The following TGFBI variants were observed in gnomAD, a reference collection of about 807,000 sequenced individuals.
TGFBI encodes the protein transforming growth factor beta induced.
Under a neutral mutation model 73.7 loss-of-function variants are expected in TGFBI, and 50 were observed. The ratio of observed to expected loss-of-function variants is 0.68; its 90% confidence interval spans 0.54 to 0.86. The LOEUF (loss-of-function observed/expected upper bound fraction) is 0.86. TGFBI is among the 40% of genes least tolerant of loss of function. TGFBI has a pLI of 0.00. For synonymous variants in TGFBI, 362 were observed against 360.5 expected, an observed-to-expected ratio of 1.00 and a Z score of -0.05; for missense variants, 839 against 877.0, an observed-to-expected ratio of 0.96 and a Z score of 0.55.
chr5:136,061,514 G>C lies in TGFBI; in HGVS notation c.1921G>C (p.Glu641Gln), dbSNP rs748068717. Residue 641 changes from glutamate (E) to glutamine (Q), a missense_variant, in exon 15 of 17, where the codon GAA becomes CAA. By Grantham distance (29) the Glu-to-Gln change is conservative (BLOSUM62 2). Coordinates refer to ENST00000442011, the MANE Select transcript of TGFBI (RefSeq NM_000358.3). ...VLQPPANRPQ[E>Q]RGDELADSAL... ...TTCCTCTTCAGCCAACAGACCTCAG[G>C]AAAGAGGGGATGAACTTGCAGACTC... 6.2e-7 allele frequency: 1 copy of C among 1,608,126 alleles called. No individual in the cohort carries two copies.
intron 6 of TGFBI, 134 bp downstream of exon 6, chr5:136,047,554 C>T: frequency 7.7e-6 from 8 of 1,034,930 alleles, no homozygotes; most frequent in Non-Finnish European, 1.1e-5. Context: ...CCCCTGAATG[C>T]CCTTGAACAT....
intron 2 of TGFBI, among the ~76,000 whole-genome samples, chr5:136,034,465 G>T (rs1333722938): frequency 1.3e-5 from 2 of 151,912 alleles, no homozygotes; most frequent in Non-Finnish European, 2.9e-5. Flanking sequence ...TACAAGGATT[G>T]AATGAAATAA....
At chr5:136,061,030 A>T in intron 14 of TGFBI, 94 bp downstream of exon 14, 1 of 860,972 alleles carries the variant, frequency 1.2e-6, no homozygotes, top group South Asian at 2.2e-5. Context: ...CAATGATGAG[A>T]ATAACATGTA....
At chr5:136,029,713 G>A (rs1250482191) in intron 1 of TGFBI, among the ~76,000 whole-genome samples, 2 of 152,172 alleles carry the variant, frequency 1.3e-5, no homozygotes, top group Admixed American at 1.3e-4. Context: ...GCTGGCACCC[G>A]ACACTGCTCT....
intron 2 of TGFBI, among the ~76,000 whole-genome samples, chr5:136,035,354 T>G (rs1172537050): frequency 6.6e-6 from 1 of 152,214 alleles, no homozygotes. Flanking sequence ...CCGGGCACAG[T>G]GGCTCACGCC....
At chr5:136,058,614 C>G (rs1751692971) in intron 12 of TGFBI, among the ~76,000 whole-genome samples, 1 of 152,210 alleles carries the variant, frequency 6.6e-6, no homozygotes. Flanking sequence ...ATAGCCATCT[C>G]AAACAGAATG....
At chr5:136,056,922 G>A (rs576878797) in intron 12 of TGFBI, 127 bp downstream of exon 12, 1 of 1,255,744 alleles carries the variant, frequency 8.0e-7, no homozygotes, top group African/African-American at 1.5e-5. Context: ...ATTAGTGAAA[G>A]AGTGGGCGGG....
chr5:136,062,172 C>T (rs923748425), intron 15 of TGFBI, among the ~76,000 whole-genome samples: 8 of 152,162 alleles, frequency 5.3e-5, no homozygotes, highest in Non-Finnish European at 1.2e-4. Context: ...GGCTCTTTTG[C>T]TACTTCGGGT....
chr5:136,031,078 C>T (rs1751111751), intron 1 of TGFBI, among the ~76,000 whole-genome samples: 1 of 152,226 alleles, frequency 6.6e-6, no homozygotes, highest in Non-Finnish European at 1.5e-5. Flanking sequence ...AATTAGCTTC[C>T]TGCAGCACAG....
chr5:136,055,987 T>C (rs1188117524), intron 11 of TGFBI, among the ~76,000 whole-genome samples, 171 bp downstream of exon 11: 1 of 152,200 alleles, frequency 6.6e-6, no homozygotes, highest in Non-Finnish European at 1.5e-5. Context: ...AGGGTCGCCT[T>C]GAAAGCTTAC....
chr5:136,056,310 C>A (rs1043407906), intron 11 of TGFBI: 5 of 249,182 alleles, frequency 2.0e-5, no homozygotes, highest in African/African-American at 6.7e-5. Flanking sequence ...GCCACCTGCA[C>A]AAGGGCTTGG....
rs1371654590 is a variant in TGFBI at position 136,029,031 on chromosome 5, C to A, written c.-25C>A. 6.6e-7 allele frequency: 1 copy of A among 1,517,280 alleles called. No homozygotes were observed. Among genetic ancestry groups the A allele is most frequent in the East Asian group, 2.6e-5 (1 of 38,432 alleles). 94.0% of individuals were successfully genotyped at this position (1,517,280 alleles called of 1,614,324 possible). ...CCCGCTTGCCCGTCGGTCGCTAGCTCGCTCGGTGCGCGTCGTCCCGCTCCA... is the reference window on the plus strand; with the variant it reads ...CCCGCTTGCCCGTCGGTCGCTAGCTAGCTCGGTGCGCGTCGTCCCGCTCCA... On this transcript the variant is annotated 5_prime_UTR_variant, in exon 1 of 17. Transcript: ENST00000442011.
Position 136,046,465 on chromosome 5 carries a change from T to C in TGFBI, c.429T>C (p.Pro143=). Residue 143 remains proline (P), a synonymous_variant, in exon 4 of 17, where the codon CCT becomes CCC. Transcript: ENST00000442011. ...EGPGSFTIFA[P]SNEAWASLPA... ...CCGGCAGCTTCACCATCTTCGCCCC[T>C]AGCAACGAGGCCTGGGCCTCCTTGC... 3 of 1,611,580 alleles carry C rather than the reference T, an allele frequency of 1.9e-6. No homozygotes were observed. Among genetic ancestry groups the C allele is most frequent in the East Asian group, 4.5e-5 (2 of 44,762 alleles).
chr5:136,031,255 C>G (rs1236216496), intron 1 of TGFBI, among the ~76,000 whole-genome samples: 3 of 152,246 alleles, frequency 2.0e-5, no homozygotes, highest in Non-Finnish European at 4.4e-5. Flanking sequence ...TGCCACAGGG[C>G]TGCCTGGCCT....
intron 12 of TGFBI, among the ~76,000 whole-genome samples, chr5:136,057,593 T>A (rs1751671165): frequency 6.6e-6 from 1 of 150,506 alleles, no homozygotes; most frequent in African/African-American, 2.5e-5. Flanking sequence ...GGAATGGGAG[T>A]TGCAGTGTTT....
At chr5:136,051,739 A>G (rs1022595388) in intron 7 of TGFBI, among the ~76,000 whole-genome samples, 1 of 152,194 alleles carries the variant, frequency 6.6e-6, no homozygotes, top group Non-Finnish European at 1.5e-5. Context: ...TCACCCTCCA[A>G]GTGGCCCTGG....
intron 1 of TGFBI, among the ~76,000 whole-genome samples, chr5:136,033,112 A>G (rs1488939539): frequency 6.6e-6 from 1 of 152,134 alleles, no homozygotes; most frequent in African/African-American, 2.4e-5. Flanking sequence ...TGTTAGATGC[A>G]GAGAAGAGAC....
At chr5:136,035,573 C>A (rs1362133686) in intron 2 of TGFBI, among the ~76,000 whole-genome samples, 1 of 139,332 alleles carries the variant, frequency 7.2e-6, no homozygotes, top group African/African-American at 2.7e-5. Context: ...TGCAGTGAGC[C>A]AAGATCGTGC....
intron 10 of TGFBI, 68 bp downstream of exon 10, chr5:136,054,929 A>T: frequency 1.3e-6 from 2 of 1,553,176 alleles, no homozygotes; most frequent in Non-Finnish European, 1.7e-6. Flanking sequence ...TAGTGTAAAA[A>T]AAAATGTCCT....
Sources: allele counts gnomAD v4.1 joint callset (sites outside exome capture counted in the v4.1 genomes callset), GRCh38; gene constraint gnomAD v4.1.1; transcripts MANE v1.5; gene names NCBI Gene and HGNC (gene_info 2026-07-23, HGNC 2026-07-21).